SHANK1: variants seen among roughly 807,000 people sequenced by gnomAD.
SHANK1 encodes the protein SH3 and multiple ankyrin repeat domains protein 1.
Under a neutral mutation model 165.6 loss-of-function variants are expected in SHANK1, and 35 were observed. The observed-to-expected ratio is 0.21, with a 90% CI of 0.16 to 0.28. The LOEUF (loss-of-function observed/expected upper bound fraction) is 0.28, where lower values mean the gene tolerates loss of function less well. Among genes scored for constraint, SHANK1 ranks in the 10% least tolerant of loss-of-function variants. The probability of loss-of-function intolerance (pLI) is 1.00; values close to 1 mark genes in which losing one functional copy is unlikely to be tolerated. For synonymous variants in SHANK1, 1,428 were observed against 1,384.8 expected (o/e 1.03, Z -0.69); for missense variants, 2,681 against 3,036.4 (o/e 0.88, Z 2.75).
chr19:50,702,224 T>A lies in SHANK1; in HGVS notation c.1747+243A>T, dbSNP rs1307383154. ...ACGATTTGGTGAGAAGTTCCAGCCA[T>A]GCCCTGCACACGGCATCAGTGTCCC... On this transcript the variant is annotated intron_variant, in intron 12 of 23. Transcript: ENST00000293441. The surrounding 1 kb of genome is among the most constrained non-coding windows in gnomAD (Gnocchi z 5.3). Among the ~76,000 whole-genome samples the A allele has an allele frequency of 6.6e-6, 1 of 152,126 alleles. No homozygotes were observed. Among genetic ancestry groups the A allele is most frequent in the Non-Finnish European group, 1.5e-5 (1 of 68,016 alleles).
rs1158019638 is a variant in SHANK1 at position 50,661,007 on chromosome 19, TTAAGAA to T, written c.*952_*957del. 1.3e-5 allele frequency among the ~76,000 whole-genome samples: 2 copies of T among 151,574 alleles called. No homozygotes were observed. Among genetic ancestry groups the T allele is most frequent in the African/African-American group, 2.4e-5 (1 of 41,212 alleles). ...TGGGGAGTGGAAGAATCTGGGGTTT[TTAAGAA>T]TAAGAAGGGAAAGTGCTTCAACGTA... On this transcript the variant is annotated 3_prime_UTR_variant, in exon 24 of 24. Transcript: ENST00000293441.
Position 50,659,429 on chromosome 19 carries a change from C to T in SHANK1, c.*2536G>A, listed in dbSNP as rs974096783. ...TTCCTCCAGTCCCTGTACGTGGACG[C>T]CTGGGTCCCAATCCCTTGAGGGATG... On this transcript the variant is annotated 3_prime_UTR_variant, in exon 24 of 24. Coordinates refer to ENST00000293441, the MANE Select transcript of SHANK1 (RefSeq NM_016148.5). 13 of 264,642 alleles carry T rather than the reference C, an allele frequency of 4.9e-5. No individual in the cohort carries two copies. The highest frequency in any genetic ancestry group is 1.1e-3 in the Middle Eastern group (1 of 914). 16.4% of individuals were successfully genotyped at this position (264,642 alleles called of 1,614,324 possible). A position where few individuals can be genotyped will look rare whatever the true frequency, so the allele number is the denominator to read the frequency against.
rs1201004028 is a variant in SHANK1 at position 50,716,868 on chromosome 19, CG to C, written c.51del (p.Ser17ArgfsTer56). ...TSEDEERHSA[S>X]ECPEGGSESD... is the part of the protein sequence containing the mutation. ...GACTCTGAGCCCCCCTCGGGACACT[CG>C]CTGGCACTGTGGCGTTCCTCGTCCT... On this transcript the variant is annotated frameshift_variant, in exon 2 of 24. Transcript: ENST00000293441. LOFTEE classifies it high-confidence loss of function. The surrounding 1 kb of genome is among the most constrained non-coding windows in gnomAD (Gnocchi z 8.4). 1 of 1,506,490 alleles carries C rather than the reference CG, an allele frequency of 6.6e-7. No homozygotes were observed. The highest frequency in any genetic ancestry group is 1.4e-5 in the African/African-American group (1 of 71,168). The allele number at this position is 1,506,490 out of a possible 1,614,324, so 93.3% of individuals were successfully genotyped here. A position where few individuals can be genotyped will look rare whatever the true frequency, so the allele number is the denominator to read the frequency against.
Position 50,702,629 on chromosome 19 carries a change from C to A in SHANK1, c.1585G>T (p.Gly529Trp). 1 of 1,583,244 alleles carries A rather than the reference C, an allele frequency of 6.3e-7. No individual in the cohort carries two copies. Among genetic ancestry groups the A allele is most frequent in the East Asian group, 2.3e-5 (1 of 43,362 alleles). Residue 529 changes from glycine to tryptophan, a missense_variant, in exon 12 of 24, where the codon GGG (glycine) becomes TGG (tryptophan). This residue lies in a region of SHANK1 where 195 missense variants were observed against 186.2 expected (regional missense o/e 1.05). Transcript: ENST00000293441. This position sits in a 1 kb window ranked among gnomAD's most constrained non-coding sequence, Gnocchi z 5.3. ...GGGCCCCCTGAGCCCCCCGTGCCCC[C>A]GGCTGGCCCTTCCCGGGGTGTCCCG... ...SSGTPREGPA[G>W]GTGGSGGPGG...
chr19:50,696,413 C>T (rs73598642), intron 15 of SHANK1, among the ~76,000 whole-genome samples: 3,617 of 150,952 alleles, frequency 0.024, 134 homozygotes, highest in African/African-American at 0.082. Context: ...ATTTCTCTGT[C>T]CCCCCCATCC....
chr19:50,694,019 CCACACACACACACACACA>C (rs398034977), intron 15 of SHANK1, among the ~76,000 whole-genome samples: 35 of 138,618 alleles, frequency 2.5e-4, no homozygotes, highest in East Asian at 4.4e-4. Context: ...CCAGCACACA[CCACACACACACACACACA>C]CACACACACA....
In SHANK1 at chr19:50,690,565, C is replaced by T. The variant is rs1986508093; in HGVS notation, c.1965-1286G>A. Among the ~76,000 whole-genome samples, 1 of 152,094 alleles carries T rather than the reference C, an allele frequency of 6.6e-6. No individual in the cohort carries two copies. The highest frequency in any genetic ancestry group is 2.4e-5 in the African/African-American group (1 of 41,398). ...TCCCAGGGCACACTTGTAGCACCTC[C>T]CACCCTCACAATCCCAGTGTATTCC... On this transcript the variant is annotated intron_variant, in intron 15 of 23. Coordinates refer to ENST00000293441, the MANE Select transcript of SHANK1 (RefSeq NM_016148.5). This position sits in a 1 kb window ranked among gnomAD's most constrained non-coding sequence, Gnocchi z 4.9.
chr19:50,709,870 TTC>T (rs1384705275), intron 8 of SHANK1, among the ~76,000 whole-genome samples: 1 of 152,190 alleles, frequency 6.6e-6, no homozygotes, highest in Non-Finnish European at 1.5e-5. Context: ...ATACCAAAAT[TTC>T]TCTGTTTATC....
chr19:50,687,448 C>A, intron 19 of SHANK1, 134 bp downstream of exon 19: 2 of 661,406 alleles, frequency 3.0e-6, no homozygotes, highest in Non-Finnish European at 5.0e-6. Context: ...AGGCCAGAGT[C>A]CGACCCATGG....
At position 50,702,606 on chromosome 19, in the gene SHANK1, G is replaced by A. The variant is rs1362610124; in HGVS notation, c.1608C>T (p.Gly536=). The A allele has an allele frequency of 1.9e-6, 3 of 1,593,098 alleles. No individual in the cohort carries two copies. The highest frequency in any genetic ancestry group is 1.1e-5 in the South Asian group (1 of 88,950). The change falls in exon 12 of 24, where the codon GGC becomes GGT. Residue 536 remains glycine (G), a synonymous_variant. Transcript: ENST00000293441. This position sits in a 1 kb window ranked among gnomAD's most constrained non-coding sequence, Gnocchi z 5.3. ...CGCGGCTGCCCAGGGAGCCCCCGGG[G>A]CCCCCTGAGCCCCCCGTGCCCCCGG... ...GPAGGTGGSG[G]PGGSLGSRGR...
intron 15 of SHANK1, among the ~76,000 whole-genome samples, chr19:50,692,464 T>C (rs1265849666): frequency 2.0e-5 from 3 of 148,702 alleles, no homozygotes; most frequent in Middle Eastern, 3.4e-3. Context: ...CAGATATATA[T>C]ATATATATAC....
chr19:50,678,742 G>A (rs1986058191), intron 21 of SHANK1, among the ~76,000 whole-genome samples: 1 of 117,678 alleles, frequency 8.5e-6, no homozygotes, highest in African/African-American at 3.8e-5. Context: ...GAAAACGGAG[G>A]GGTCAGGGTG....
chr19:50,666,878 G>C lies in SHANK1; in HGVS notation c.5082C>G (p.Ala1694=). 9 of 1,582,774 alleles carry C rather than the reference G, an allele frequency of 5.7e-6. No individual in the cohort carries two copies. Among genetic ancestry groups the C allele is most frequent in the Non-Finnish European group, 7.7e-6 (9 of 1,166,208 alleles). ...CGGCAGATAGGCTGCTCAGCGTGGA[G>C]GCGCTGCTGATGGTCTCCAGTGGGT... The part of the protein sequence containing the change: ...SDHPLETISS[A]STLSSLSAEG... Residue 1694 remains alanine, a synonymous_variant, in exon 23 of 24, where the codon GCC becomes GCG. Transcript: ENST00000293441.
At position 50,718,212 on chromosome 19, in the gene SHANK1, G is replaced by A. The variant is rs901210080; in HGVS notation, c.-44+1194C>T. Among the ~76,000 whole-genome samples, 1 of 152,106 alleles carries A rather than the reference G, an allele frequency of 6.6e-6. No individual in the cohort carries two copies. The highest frequency in any genetic ancestry group is 1.5e-5 in the Non-Finnish European group (1 of 67,996). On this transcript the variant is annotated intron_variant, in intron 1 of 23. Coordinates refer to ENST00000293441, the MANE Select transcript of SHANK1 (RefSeq NM_016148.5). The surrounding 1 kb of genome is among the most constrained non-coding windows in gnomAD (Gnocchi z 5.1). ...TGGGCGAGCGAGCCTCTAACCCAGG[G>A]CCGGCGGACCCCTCCCCCACGCGCG...
intron 21 of SHANK1, among the ~76,000 whole-genome samples, chr19:50,681,698 C>T (rs558932646): frequency 3.9e-5 from 6 of 152,220 alleles, no homozygotes; most frequent in Admixed American, 2.0e-4. Context: ...TCTGGTGTTG[C>T]GGGGTCTCTG....
rs1002366485 is a variant in SHANK1 at position 50,717,446 on chromosome 19, A to G, written c.-43-484T>C. Among the ~76,000 whole-genome samples, 1 of 152,028 alleles carries G rather than the reference A, an allele frequency of 6.6e-6. No individual in the cohort carries two copies. The highest frequency in any genetic ancestry group is 2.4e-5 in the African/African-American group (1 of 41,378). On this transcript the variant is annotated intron_variant, in intron 1 of 23. Transcript: ENST00000293441. The surrounding 1 kb of genome is among the most constrained non-coding windows in gnomAD (Gnocchi z 5.5). ...GGGAGAAGCTGAGGCTGACACTGAG[A>G]TGTAGTAAGGGGGAGAGGGAGGTGT...
intron 7 of SHANK1, among the ~76,000 whole-genome samples, chr19:50,711,702 C>CAAGA (rs2089012856): frequency 6.6e-6 from 1 of 152,240 alleles, no homozygotes; most frequent in Admixed American, 6.5e-5. Context: ...GGCGTCTGGT[C>CAAGA]TGCCTCCTTA....
rs369431608 is a variant in SHANK1 at position 50,704,159 on chromosome 19, G to A, written c.1183C>T (p.Leu395=). 1 of 1,613,160 alleles carries A rather than the reference G, an allele frequency of 6.2e-7. No homozygotes were observed. Among genetic ancestry groups the A allele is most frequent in the Non-Finnish European group, 8.5e-7 (1 of 1,179,772 alleles). ...QVAVIAGNFE[L]GELIRNHREQ... is the part of the protein sequence containing the mutation. Reference sequence around the variant, plus strand: ...CGGTGGTTTCGGATCAGCTCCCCCAGCTCAAAATTCCCAGCAATCACTGCC... The same window carrying A: ...CGGTGGTTTCGGATCAGCTCCCCCAACTCAAAATTCCCAGCAATCACTGCC... Residue 395 remains leucine (L), a synonymous_variant, in exon 10 of 24, where the codon CTG becomes TTG. Transcript: ENST00000293441.
At chr19:50,676,869 T>C (rs1017081177) in intron 21 of SHANK1, among the ~76,000 whole-genome samples, 1 of 152,182 alleles carries the variant, frequency 6.6e-6, no homozygotes, top group Non-Finnish European at 1.5e-5. Flanking sequence ...GGGAGTGTTG[T>C]GTGTTACATC....
Sources: allele counts gnomAD v4.1 joint callset (sites outside exome capture counted in the v4.1 genomes callset), GRCh38; gene constraint gnomAD v4.1.1; regional missense constraint gnomAD v4.1.1; non-coding constraint Gnocchi (gnomAD v3.1); transcripts MANE v1.5; gene names NCBI Gene and HGNC (gene_info 2026-07-23, HGNC 2026-07-21).